ALPK1: variants seen among roughly 807,000 people sequenced by gnomAD.
The protein encoded by ALPK1 is alpha kinase 1, also known as alpha-protein kinase 1.
A neutral mutation model predicts 120.6 loss-of-function variants in ALPK1; 110 were observed. The ratio of observed to expected loss-of-function variants is 0.91; its 90% CI spans 0.78 to 1.07. The LOEUF is 1.07. Ranked by LOEUF, ALPK1 falls within the 50% of genes least tolerant of loss-of-function variation. The pLI is 0.00. For missense variants in ALPK1, 1,498 were observed against 1,483.9 expected (o/e 1.01, Z -0.16); for synonymous variants, 582 against 560.3 (o/e 1.04, Z -0.55).
chr4:112,378,360 T>C (rs1487400711), intron 3 of ALPK1, among the ~76,000 whole-genome samples: 1 of 152,246 alleles, frequency 6.6e-6, no homozygotes, highest in Non-Finnish European at 1.5e-5. Flanking sequence ...AATACATTCT[T>C]CATGCTATAT....
intron 2 of ALPK1, among the ~76,000 whole-genome samples, chr4:112,336,087 T>C (rs1051168372): frequency 2.6e-5 from 4 of 152,236 alleles, no homozygotes; most frequent in African/African-American, 9.6e-5. Context: ...TTTACTGCTA[T>C]ATCCCTAGTA....
chr4:112,344,288 G>A (rs769813622), intron 2 of ALPK1, among the ~76,000 whole-genome samples: 12 of 152,196 alleles, frequency 7.9e-5, no homozygotes, highest in Non-Finnish European at 1.6e-4. Flanking sequence ...AGGAGAGCAC[G>A]TTCCAGCCTG....
intron 9 of ALPK1, 51 bp downstream of exon 9, chr4:112,427,716 C>G: frequency 7.3e-7 from 1 of 1,361,062 alleles, no homozygotes; most frequent in South Asian, 1.2e-5. Context: ...TCAATCGTGT[C>G]CTTGGTGGTT....
At chr4:112,376,554 G>C (rs1560660098) in intron 2 of ALPK1, among the ~76,000 whole-genome samples, 1 of 152,132 alleles carries the variant, frequency 6.6e-6, no homozygotes, top group Non-Finnish European at 1.5e-5. Flanking sequence ...GAGGGAAAAA[G>C]GCTTTCTTGC....
intron 1 of ALPK1, among the ~76,000 whole-genome samples, chr4:112,302,794 C>A (rs747266420): frequency 2.0e-5 from 3 of 152,100 alleles, no homozygotes; most frequent in Non-Finnish European, 4.4e-5. Flanking sequence ...GTCTACTTCC[C>A]TTTCTCTCCT....
chr4:112,382,303 TTTTTTTTG>T, intron 3 of ALPK1, 87 bp from the exon 4 acceptor site: 1 of 1,148,410 alleles, frequency 8.7e-7, no homozygotes, highest in Non-Finnish European at 1.2e-6. Context: ...TTTTTTTTTT[TTTTTTTTG>T]CCACTGAGGT....
chr4:112,300,954 A>G (rs1255572986), intron 1 of ALPK1, among the ~76,000 whole-genome samples: 12 of 152,162 alleles, frequency 7.9e-5, no homozygotes. Flanking sequence ...ACTGTGGTGC[A>G]TTCTCCATCA....
chr4:112,433,445 C>A (rs559672158), intron 11 of ALPK1, among the ~76,000 whole-genome samples: 2 of 152,318 alleles, frequency 1.3e-5, no homozygotes, highest in South Asian at 2.1e-4. Flanking sequence ...AACACCATCA[C>A]CTTGTGGGTT....
rs372021737 is a variant in ALPK1, at chr4:112,435,323, A to G, written c.3188+22A>G. ...GGAGGTATTACTTAAAAACATTTGTATAACTAATGTAAGATGAGCTAACCT... is the reference window on the plus strand; with the variant it reads ...GGAGGTATTACTTAAAAACATTTGTGTAACTAATGTAAGATGAGCTAACCT... On this transcript the variant is annotated intron_variant, in intron 12 of 15. Coordinates refer to ENST00000650871, the MANE Select transcript of ALPK1 (RefSeq NM_025144.4). The G allele has an allele frequency of 1.9e-6, 3 of 1,597,040 alleles. No individual in the cohort carries two copies. In the South Asian group the frequency reaches 3.4e-5, roughly 18 times the overall value.
At position 112,348,925 on chromosome 4, in the gene ALPK1, G is replaced by A. The variant is rs76623387; in HGVS notation, c.-100-28753G>A. Reference sequence around the variant, plus strand: ...GGCTGTGGGTGTTTCTGTCTGATCTGTAATCCGATGGAGGCTCTTCTTTCC... The same window carrying A: ...GGCTGTGGGTGTTTCTGTCTGATCTATAATCCGATGGAGGCTCTTCTTTCC... On this transcript the variant is annotated intron_variant, in intron 2 of 15. Coordinates refer to ENST00000650871, the MANE Select transcript of ALPK1 (RefSeq NM_025144.4). Among the ~76,000 whole-genome samples, 147 of 152,372 alleles carry A rather than the reference G, an allele frequency of 9.6e-4. No individual in the cohort carries two copies. The East Asian group carries it at 0.021, about 22-fold the overall frequency.
Position 112,430,484 on chromosome 4 carries a change from T to C in ALPK1, c.937T>C (p.Ser313Pro). ...RGTCLLSYSSSNDCPPELKNL... is the reference protein window; with the variant it reads ...RGTCLLSYSSPNDCPPELKNL... ...CACGTGTTTATTGTCCTACAGTAGT[T>C]CAAATGACTGTCCTCCAGAATTGAA... The change falls in exon 11 of 16, where the codon TCA (serine) becomes CCA (proline). Residue 313 changes from serine to proline, a missense_variant. Coordinates refer to ENST00000650871, the MANE Select transcript of ALPK1 (RefSeq NM_025144.4). The C allele has an allele frequency of 4.3e-6, 7 of 1,612,626 alleles. No homozygotes were observed. Among genetic ancestry groups the C allele is most frequent in the Non-Finnish European group, 5.9e-6 (7 of 1,179,338 alleles).
At position 112,430,797 on chromosome 4, in the gene ALPK1, A is replaced by G. The variant is rs776832095; in HGVS notation, c.1250A>G (p.Glu417Gly). 1.2e-6 allele frequency: 2 copies of G among 1,614,248 alleles called. No homozygotes were observed. The highest frequency in any genetic ancestry group is 4.5e-5 in the East Asian group (2 of 44,888). The change falls in exon 11 of 16, where the codon GAA becomes GGA. Residue 417 changes from glutamate to glycine, a missense_variant. Physicochemically the swap from Glu to Gly is moderately conservative, Grantham distance 98. Transcript: ENST00000650871. ...ATGTCTGTGATTGCCCAGGTGAAGG[A>G]ACATTTACAAGTTCAAAGCTTCTCA... Reference protein sequence around the residue: ...EVMSVIAQVKEHLQVQSFSNV... With the variant: ...EVMSVIAQVKGHLQVQSFSNV...
intron 2 of ALPK1, among the ~76,000 whole-genome samples, chr4:112,354,873 T>A (rs1730532497): frequency 6.6e-6 from 1 of 152,220 alleles, no homozygotes; most frequent in Non-Finnish European, 1.5e-5. Flanking sequence ...CCTCATTATT[T>A]TTCATCAGGA....
At chr4:112,334,377 G>A (rs1040858257) in intron 2 of ALPK1, among the ~76,000 whole-genome samples, 1 of 149,718 alleles carries the variant, frequency 6.7e-6, no homozygotes, top group African/African-American at 2.5e-5. Context: ...AGATTGCAAT[G>A]AGCCAAGATT....
intron 4 of ALPK1, among the ~76,000 whole-genome samples, chr4:112,405,709 G>A (rs991018857): frequency 1.3e-5 from 2 of 152,258 alleles, no homozygotes; most frequent in Admixed American, 6.5e-5. Flanking sequence ...CCAAGTAGCT[G>A]AGATTACAGG....
chr4:112,358,127 G>A (rs1249238397), intron 2 of ALPK1: 32 of 609,652 alleles, frequency 5.2e-5, no homozygotes, highest in Non-Finnish European at 5.3e-5. Flanking sequence ...TGGGGCTGGG[G>A]GCCAGTTCCT....
At chr4:112,426,311 A>G (rs994827801) in intron 7 of ALPK1, 156 bp from the exon 8 acceptor site, 11 of 454,978 alleles carry the variant, frequency 2.4e-5, no homozygotes, top group Non-Finnish European at 3.9e-5. Context: ...AACTGGAAAA[A>G]CATTGCTGTG....
At chr4:112,371,717 GCAAGTGAGGAAAC>G (rs1731412401) in intron 2 of ALPK1, among the ~76,000 whole-genome samples, 1 of 152,146 alleles carries the variant, frequency 6.6e-6, no homozygotes, top group Non-Finnish European at 1.5e-5. Context: ...AATTGGTGTT[GCAAGTGAGGAAAC>G]CAAAGCAAAT....
intron 2 of ALPK1, among the ~76,000 whole-genome samples, chr4:112,362,640 C>A (rs1341081853): frequency 6.6e-6 from 1 of 152,140 alleles, no homozygotes; most frequent in African/African-American, 2.4e-5. Flanking sequence ...GAAGAGAAAT[C>A]TAAAAGTTTG....
Sources: allele counts gnomAD v4.1 joint callset (sites outside exome capture counted in the v4.1 genomes callset), GRCh38; gene constraint gnomAD v4.1.1; transcripts MANE v1.5; gene names NCBI Gene and HGNC (gene_info 2026-07-23, HGNC 2026-07-21).